LHPP: variants seen among roughly 807,000 people sequenced by gnomAD.
LHPP encodes phospholysine phosphohistidine inorganic pyrophosphate phosphatase, also known as hLHPP.
In LHPP, 24 loss-of-function variants were observed where a neutral mutation model predicts 30.3. That is an observed-to-expected ratio of 0.79 (90% CI 0.57 to 1.11). The LOEUF (loss-of-function observed/expected upper bound fraction) is 1.11, where lower values mean the gene tolerates loss of function less well. Ranked by LOEUF, LHPP falls within the 50% of genes most tolerant of loss-of-function variation. The probability of loss-of-function intolerance (pLI) is 0.00; values close to 1 mark genes in which losing one functional copy is unlikely to be tolerated. For synonymous variants in LHPP, 150 were observed against 157.1 expected, an observed-to-expected ratio of 0.95 and a Z score of 0.34; for missense variants, 356 against 367.2, an observed-to-expected ratio of 0.97 and a Z score of 0.25.
chr10:124,584,226 A>T (rs1210622123), intron 6 of LHPP, among the ~76,000 whole-genome samples: 1 of 151,564 alleles, frequency 6.6e-6, no homozygotes, highest in East Asian at 1.9e-4. Context: ...AAAATTAGGC[A>T]TGGTGGCGTG....
At chr10:124,575,246 T>C (rs1948642641) in intron 6 of LHPP, among the ~76,000 whole-genome samples, 1 of 152,064 alleles carries the variant, frequency 6.6e-6, no homozygotes, top group African/African-American at 2.4e-5. Flanking sequence ...GCACCCCTGG[T>C]GTGCTGAGAA....
In LHPP at chr10:124,553,908, C is replaced by T. The variant is rs1948235374; in HGVS notation, c.716+36637C>T. 4.1e-6 allele frequency: 4 copies of T among 985,376 alleles called. No homozygotes were observed. The South Asian group carries it at 1.4e-4, about 35-fold the overall frequency. 61.0% of individuals were successfully genotyped at this position (985,376 alleles called of 1,614,324 possible). On this transcript the variant is annotated intron_variant, in intron 6 of 6. Transcript: ENST00000368842. ...GTCTTACCACAGGCTAAGCTGTTGGCATCTGTTCTTTTCCTGCTCCAGGAG... is the reference window on the plus strand; with the variant it reads ...GTCTTACCACAGGCTAAGCTGTTGGTATCTGTTCTTTTCCTGCTCCAGGAG...
At chr10:124,501,296 G>T (rs572133006) in intron 5 of LHPP, among the ~76,000 whole-genome samples, 1 of 151,846 alleles carries the variant, frequency 6.6e-6, no homozygotes, top group Admixed American at 6.5e-5. Context: ...CTCCTTTTGG[G>T]ATGATACAAA....
chr10:124,544,847 G>T (rs1260125993), intron 6 of LHPP, among the ~76,000 whole-genome samples: 1 of 152,186 alleles, frequency 6.6e-6, no homozygotes, highest in Non-Finnish European at 1.5e-5. Flanking sequence ...TCCTGGTGCA[G>T]ACACCATCAC....
chr10:124,480,186 A>G (rs1343487317), intron 1 of LHPP, among the ~76,000 whole-genome samples: 2 of 152,196 alleles, frequency 1.3e-5, no homozygotes, highest in Non-Finnish European at 2.9e-5. Context: ...GGTGGTCAGA[A>G]TGGGTCTCTG....
At chr10:124,490,504 C>T (rs1187458613) in intron 3 of LHPP, 2 of 358,172 alleles carry the variant, frequency 5.6e-6, no homozygotes, top group Non-Finnish European at 5.7e-6. Flanking sequence ...GGTGGACATT[C>T]TTCTTGGCTA....
At chr10:124,467,730 T>TGTTG (rs1952597654) in intron 1 of LHPP, among the ~76,000 whole-genome samples, 1 of 151,640 alleles carries the variant, frequency 6.6e-6, no homozygotes, top group Non-Finnish European at 1.5e-5. Context: ...TTGTTGTTGT[T>TGTTG]GTTTTGAGAC....
chr10:124,485,405 C>T (rs549855405), intron 2 of LHPP, among the ~76,000 whole-genome samples: 30 of 151,972 alleles, frequency 2.0e-4, no homozygotes, highest in Middle Eastern at 3.4e-3. Flanking sequence ...GACAAGCAGA[C>T]GGCAAAGCTG....
chr10:124,599,072 C>T (rs1948989537), intron 6 of LHPP, among the ~76,000 whole-genome samples: 1 of 151,942 alleles, frequency 6.6e-6, no homozygotes, highest in South Asian at 2.1e-4. Flanking sequence ...TCCACTCATC[C>T]ACCCTGATGC....
chr10:124,562,935 A>T (rs954326686), intron 6 of LHPP, among the ~76,000 whole-genome samples: 4 of 142,676 alleles, frequency 2.8e-5, no homozygotes, highest in African/African-American at 1.1e-4. Context: ...GATACCATCT[A>T]AAAAAAAAAA....
intron 6 of LHPP, among the ~76,000 whole-genome samples, chr10:124,548,938 C>G (rs1955415113): frequency 1.3e-5 from 2 of 152,188 alleles, no homozygotes; most frequent in Non-Finnish European, 2.9e-5. Context: ...CCTGGCAAGA[C>G]AGTGGAGAAG....
rs980712883 is a variant in LHPP at position 124,461,872 on chromosome 10, T to G, written c.10T>G (p.Trp4Gly). 1.6e-6 allele frequency: 2 copies of G among 1,255,830 alleles called. No individual in the cohort carries two copies. Among genetic ancestry groups the G allele is most frequent in the African/African-American group, 1.5e-5 (1 of 65,044 alleles). 77.8% of individuals were successfully genotyped at this position (1,255,830 alleles called of 1,614,324 possible). A position where few individuals can be genotyped will look rare whatever the true frequency, so the allele number is the denominator to read the frequency against. MAP[W>G]GKRLAGVRGV... ...AGCAGGGCCGGGCGCCATGGCACCG[T>G]GGGGCAAGCGGCTGGCTGGCGTGCG... The change falls in exon 1 of 7, where the codon TGG becomes GGG. Residue 4 changes from tryptophan (W) to glycine (G), a missense_variant. By Grantham distance (184) the Trp-to-Gly change is radical. Coordinates refer to ENST00000368842, the MANE Select transcript of LHPP (RefSeq NM_022126.4).
chr10:124,549,792 C>G (rs1358040478), intron 6 of LHPP, among the ~76,000 whole-genome samples: 1 of 152,252 alleles, frequency 6.6e-6, no homozygotes, highest in Non-Finnish European at 1.5e-5. Flanking sequence ...AATCAGAGGC[C>G]TGGGTTGAAT....
chr10:124,480,027 T>C (rs1953077594), intron 1 of LHPP, among the ~76,000 whole-genome samples: 1 of 152,200 alleles, frequency 6.6e-6, no homozygotes, highest in South Asian at 2.1e-4. Flanking sequence ...CAAAATCAGA[T>C]CATGGATCCT....
intron 6 of LHPP, among the ~76,000 whole-genome samples, chr10:124,591,315 C>T (rs936024485): frequency 6.6e-6 from 1 of 152,146 alleles, no homozygotes; most frequent in Non-Finnish European, 1.5e-5. Flanking sequence ...GTCAGGGGCT[C>T]TTCCACAGGT....
chr10:124,475,069 C>T (rs1233722616), intron 1 of LHPP, among the ~76,000 whole-genome samples: 1 of 122,644 alleles, frequency 8.2e-6, no homozygotes, highest in African/African-American at 3.1e-5. Context: ...GTCGCCCAGG[C>T]TGGAGTGCAG....
intron 6 of LHPP, among the ~76,000 whole-genome samples, chr10:124,543,577 G>T (rs980443602): frequency 2.8e-5 from 4 of 143,352 alleles, no homozygotes; most frequent in Non-Finnish European, 5.9e-5. Context: ...GCCACTAGCC[G>T]TGAGGAGTTC....
intron 6 of LHPP, among the ~76,000 whole-genome samples, chr10:124,526,703 C>T (rs1954748122): frequency 6.6e-6 from 1 of 152,170 alleles, no homozygotes; most frequent in Non-Finnish European, 1.5e-5. Context: ...TAGGGCAGGC[C>T]CTGAAGTTGG....
rs1486977544 is a variant in LHPP at position 124,528,025 on chromosome 10, TC to T, written c.716+10757del. Among the ~76,000 whole-genome samples, 4 of 150,704 alleles carry T rather than the reference TC, an allele frequency of 2.7e-5. No homozygotes were observed. In the East Asian group the frequency reaches 7.9e-4, roughly 30 times the overall value. The stretch of plus-strand genomic sequence containing the variant: ...CTCAAGTGATCTCCCCGCCTTGGCC[TC>T]CCAAAGTGCTGGGATTACCCGGCTT... On this transcript the variant is annotated intron_variant, in intron 6 of 6. Coordinates refer to ENST00000368842, the MANE Select transcript of LHPP (RefSeq NM_022126.4).
Sources: allele counts gnomAD v4.1 joint callset (sites outside exome capture counted in the v4.1 genomes callset), GRCh38; gene constraint gnomAD v4.1.1; transcripts MANE v1.5; gene names NCBI Gene and HGNC (gene_info 2026-07-23, HGNC 2026-07-21).